The following INPP4B variants were observed in gnomAD, a reference collection of about 807,000 sequenced individuals.
The protein encoded by INPP4B is inositol polyphosphate 4-phosphatase type II.
In INPP4B, 55 loss-of-function variants were observed where a neutral mutation model predicts 122.5. The ratio of observed to expected loss-of-function variants is 0.45; its 90% CI spans 0.36 to 0.56. INPP4B has a LOEUF of 0.56. INPP4B is among the 20% of genes least tolerant of loss of function. The pLI is 0.00. For missense variants in INPP4B, 1,000 were observed against 1,097.7 expected (o/e 0.91, Z 1.26); for synonymous variants, 403 against 388.7 (o/e 1.04, Z -0.43).
chr4:142,164,419 T>C (rs1390812333), intron 16 of INPP4B, among the ~76,000 whole-genome samples: 2 of 151,858 alleles, frequency 1.3e-5, no homozygotes, highest in East Asian at 1.9e-4. Context: ...ATTTTAGTAA[T>C]CATCTATGCA....
intron 2 of INPP4B, among the ~76,000 whole-genome samples, chr4:142,630,347 G>C (rs996543584): frequency 2.6e-5 from 4 of 151,996 alleles, no homozygotes; most frequent in Admixed American, 6.6e-5. Context: ...TTTCTGTTTT[G>C]TGTTTATCTT....
At position 142,248,331 on chromosome 4, in the gene INPP4B, TCTCTC is replaced by T. The variant is rs1341463755; in HGVS notation, c.689-10325_689-10321del. On this transcript the variant is annotated intron_variant, in intron 11 of 25. Transcript: ENST00000262992. ...CTGTCTCTGTGTTTCTCTCTCTCTC[TCTCTC>T]TTTTTTTTTTTTTTTTTTGAGATGG... Among the ~76,000 whole-genome samples, 273 of 78,744 alleles carry T rather than the reference TCTCTC, an allele frequency of 3.5e-3. 2 individuals are homozygous for T. The highest frequency in any genetic ancestry group is 8.6e-3 in the African/African-American group (246 of 28,754). 51.7% of individuals were successfully genotyped at this position (78,744 alleles called of 152,430 possible).
chr4:142,219,956 A>C (rs1848710544), intron 12 of INPP4B, among the ~76,000 whole-genome samples: 1 of 152,244 alleles, frequency 6.6e-6, no homozygotes, highest in Non-Finnish European at 1.5e-5. Context: ...TGCACCAAAC[A>C]AAATAAAAAA....
intron 3 of INPP4B, among the ~76,000 whole-genome samples, chr4:142,443,026 C>T (rs897853020): frequency 3.3e-5 from 5 of 152,010 alleles, no homozygotes; most frequent in African/African-American, 9.7e-5. Flanking sequence ...GGAAACTGAC[C>T]CCATGATTCA....
At chr4:142,521,657 G>C (rs1358240481) in intron 2 of INPP4B, among the ~76,000 whole-genome samples, 2 of 151,992 alleles carry the variant, frequency 1.3e-5, no homozygotes, top group Non-Finnish European at 2.9e-5. Context: ...ATTACCAGTA[G>C]TCTGAAATTG....
At chr4:142,556,105 T>C (rs1466694358) in intron 2 of INPP4B, among the ~76,000 whole-genome samples, 2 of 152,138 alleles carry the variant, frequency 1.3e-5, no homozygotes, top group Non-Finnish European at 1.5e-5. Context: ...TTCATTGTGT[T>C]ACAAACTAAG....
At chr4:142,803,544 TAC>T (rs898351391) in intron 1 of INPP4B, among the ~76,000 whole-genome samples, 21 of 151,478 alleles carry the variant, frequency 1.4e-4, no homozygotes, top group Admixed American at 2.6e-4. Context: ...TTAATTTTAC[TAC>T]AGAGATAGAA....
chr4:142,124,301 A>G (rs1375832684), intron 19 of INPP4B, among the ~76,000 whole-genome samples: 1 of 152,118 alleles, frequency 6.6e-6, no homozygotes, highest in African/African-American at 2.4e-5. Flanking sequence ...CCAGAGCATA[A>G]TACAAAGATG....
intron 16 of INPP4B, among the ~76,000 whole-genome samples, chr4:142,168,461 A>G (rs552159692): frequency 6.6e-6 from 1 of 151,514 alleles, no homozygotes; most frequent in African/African-American, 2.4e-5. Context: ...GGCAAAGTAA[A>G]ATTACTCAGA....
chr4:142,756,593 T>C (rs552099520), intron 1 of INPP4B, among the ~76,000 whole-genome samples: 1 of 152,022 alleles, frequency 6.6e-6, no homozygotes, highest in Non-Finnish European at 1.5e-5. Flanking sequence ...TAGATTATTA[T>C]AACTTAGAAA....
At chr4:142,510,220 A>G (rs188659198) in intron 2 of INPP4B, among the ~76,000 whole-genome samples, 1 of 152,312 alleles carries the variant, frequency 6.6e-6, no homozygotes, top group African/African-American at 2.4e-5. Context: ...ATATCAGTTC[A>G]TTTACTTACA....
chr4:142,706,535 C>G (rs998078460), intron 2 of INPP4B, among the ~76,000 whole-genome samples: 1 of 152,162 alleles, frequency 6.6e-6, no homozygotes, highest in Non-Finnish European at 1.5e-5. Flanking sequence ...GTTAACATGC[C>G]TCAATATCCA....
intron 2 of INPP4B, among the ~76,000 whole-genome samples, chr4:142,603,372 C>T (rs1471194174): frequency 1.3e-5 from 2 of 151,422 alleles, no homozygotes; most frequent in Non-Finnish European, 2.9e-5. Context: ...GCACATATAC[C>T]CCAAACTTAA....
chr4:142,543,373 A>G (rs1829160796), intron 2 of INPP4B, among the ~76,000 whole-genome samples: 1 of 152,156 alleles, frequency 6.6e-6, no homozygotes, highest in South Asian at 2.1e-4. Flanking sequence ...AAGTAAATGA[A>G]CTTTATGCAA....
At chr4:142,054,837 T>A (rs1371302686) in intron 25 of INPP4B, among the ~76,000 whole-genome samples, 3 of 147,890 alleles carry the variant, frequency 2.0e-5, no homozygotes, top group Non-Finnish European at 3.0e-5. Context: ...ATCTTTATTA[T>A]GTACTGTCTG....
intron 2 of INPP4B, among the ~76,000 whole-genome samples, chr4:142,591,303 A>AAAATT (rs1737434131): frequency 6.6e-6 from 1 of 152,122 alleles, no homozygotes; most frequent in Non-Finnish European, 1.5e-5. Context: ...CCTCAAAAAA[A>AAAATT]AAATTAATGA....
intron 1 of INPP4B, among the ~76,000 whole-genome samples, chr4:142,823,995 G>A (rs975291087): frequency 6.6e-6 from 1 of 152,162 alleles, no homozygotes; most frequent in African/African-American, 2.4e-5. Flanking sequence ...TTGAGGGCCT[G>A]AATAGAACAG....
At position 142,486,224 on chromosome 4, in the gene INPP4B, A is replaced by G. The variant is rs144190533; in HGVS notation, c.-190-23498T>C. 3.8e-3 allele frequency among the ~76,000 whole-genome samples: 586 copies of G among 152,320 alleles called. 4 individuals are homozygous for G. Among genetic ancestry groups the G allele is most frequent in the African/African-American group, 0.013 (545 of 41,578 alleles). Reference sequence around the variant, plus strand: ...ACTACCAAGATTTAGGAATTTCCAAAGTGGTGTACCATTTTCTACTCCCAC... The same window carrying G: ...ACTACCAAGATTTAGGAATTTCCAAGGTGGTGTACCATTTTCTACTCCCAC... On this transcript the variant is annotated intron_variant, in intron 2 of 25. Transcript: ENST00000262992.
At position 142,634,967 on chromosome 4, in the gene INPP4B, G is replaced by C. The variant is rs1045702229; in HGVS notation, c.-191+90872C>G. Among the ~76,000 whole-genome samples, 26 of 151,936 alleles carry C rather than the reference G, an allele frequency of 1.7e-4. 1 individual carries two copies. The highest frequency in any genetic ancestry group is 4.6e-4 in the African/African-American group (19 of 41,392). On this transcript the variant is annotated intron_variant, in intron 2 of 25. Coordinates refer to ENST00000262992, the MANE Select transcript of INPP4B (RefSeq NM_001101669.3). ...AAGTTAGTTATGTTATGCATCTGAC[G>C]AAGGTCTAATATCCAGCATCTATAA...
Sources: allele counts gnomAD v4.1 joint callset (sites outside exome capture counted in the v4.1 genomes callset), GRCh38; gene constraint gnomAD v4.1.1; transcripts MANE v1.5; gene names NCBI Gene and HGNC (gene_info 2026-07-23, HGNC 2026-07-21).